The following NKX2-5 variants were observed in gnomAD, a reference collection of about 807,000 sequenced individuals.
The protein encoded by NKX2-5 is NK2 homeobox 5.
In NKX2-5, 3 loss-of-function variants were observed where a neutral mutation model predicts 24.5. The ratio of observed to expected loss-of-function variants is 0.12; its 90% CI spans 0.06 to 0.32. The LOEUF is 0.32. Ranked by LOEUF, NKX2-5 falls within the 10% of genes least tolerant of loss-of-function variation. NKX2-5 has a pLI of 1.00. For synonymous variants in NKX2-5, 215 were observed against 217.6 expected, an observed-to-expected ratio of 0.99 and a Z score of 0.11; for missense variants, 429 against 452.4, an observed-to-expected ratio of 0.95 and a Z score of 0.47.
chr5:173,232,960 C>G lies in NKX2-5; in HGVS notation c.584G>C (p.Arg195Pro). Residue 195 changes from arginine to proline, a missense_variant, in exon 2 of 2, where the codon CGG (arginine) becomes CCG (proline). By Grantham distance (103) the Arg-to-Pro change is moderately radical. This residue lies in a region of NKX2-5 where 183 missense variants were observed against 185.9 expected (regional missense o/e 0.98). Coordinates refer to ENST00000329198, the MANE Select transcript of NKX2-5 (RefSeq NM_004387.4). The surrounding 1 kb of genome is among the most constrained non-coding windows in gnomAD (Gnocchi z 5.9). ...WFQNRRYKCK[R>P]QRQDQTLELV... The stretch of plus-strand genomic sequence containing the variant: ...CTCCAGAGTCTGGTCCTGCCGCTGC[C>G]GCTTGCACTTGTAGCGCCGGTTCTG... 1 of 1,609,734 alleles carries G rather than the reference C, an allele frequency of 6.2e-7. No individual in the cohort carries two copies. The highest frequency in any genetic ancestry group is 8.5e-7 in the Non-Finnish European group (1 of 1,178,470).
chr5:173,233,762 G>C lies in NKX2-5; in HGVS notation c.335-553C>G, dbSNP rs1002469920. On this transcript the variant is annotated intron_variant, in intron 1 of 1. Transcript: ENST00000329198. ...TGTCCAAGAAGCTGCGGGTGGGCAGGCGGCCTCGGAACCTGCCTTGCTGGC... is the reference window on the plus strand; with the variant it reads ...TGTCCAAGAAGCTGCGGGTGGGCAGCCGGCCTCGGAACCTGCCTTGCTGGC... The C allele has an allele frequency of 1.2e-5, 10 of 866,626 alleles. No individual in the cohort carries two copies. The African/African-American group carries it at 1.8e-4, about 16-fold the overall frequency. 53.7% of individuals were successfully genotyped at this position (866,626 alleles called of 1,614,324 possible).
intron 1 of NKX2-5, chr5:173,234,202 G>A (rs1207079916): frequency 7.9e-7 from 1 of 1,262,834 alleles, no homozygotes; most frequent in East Asian, 5.7e-5. Context: ...TAAAATCAAG[G>A]CCCTCGATCC....
chr5:173,234,013 G>A lies in NKX2-5; in HGVS notation c.334+737C>T, dbSNP rs1269893985. 7 of 1,266,522 alleles carry A rather than the reference G, an allele frequency of 5.5e-6. No homozygotes were observed. The South Asian group carries it at 8.9e-5, about 16-fold the overall frequency. The allele number at this position is 1,266,522 out of a possible 1,614,324, so 78.5% of individuals were successfully genotyped here. On this transcript the variant is annotated intron_variant, in intron 1 of 1. Coordinates refer to ENST00000329198, the MANE Select transcript of NKX2-5 (RefSeq NM_004387.4). ...TGCAGCGGGGCCGGCCTCCCTCCCCGATCCTGGGATGGCCTGCGGGATGAT... is the reference window on the plus strand; with the variant it reads ...TGCAGCGGGGCCGGCCTCCCTCCCCAATCCTGGGATGGCCTGCGGGATGAT...
chr5:173,232,309 G>T lies in NKX2-5; in HGVS notation c.*260C>A. On this transcript the variant is annotated 3_prime_UTR_variant, in exon 2 of 2. Transcript: ENST00000329198. This position sits in a 1 kb window ranked among gnomAD's most constrained non-coding sequence, Gnocchi z 5.9. ...CCAGTTCCAACCGGGGGTGCCCATG[G>T]ACTCTCGGAGGGCACTCCTGGGGGG... 1.7e-6 allele frequency: 1 copy of T among 602,836 alleles called. No homozygotes were observed. The allele number at this position is 602,836 out of a possible 1,614,324, so 37.3% of individuals were successfully genotyped here.
Position 173,233,982 on chromosome 5 carries a change from C to A in NKX2-5, c.334+768G>T, listed in dbSNP as rs376790353. The A allele has an allele frequency of 1.5e-4, 181 of 1,241,714 alleles. 1 individual carries two copies. In the East Asian group the frequency reaches 7.7e-3, roughly 53 times the overall value. 76.9% of individuals were successfully genotyped at this position (1,241,714 alleles called of 1,614,324 possible). A position where few individuals can be genotyped will look rare whatever the true frequency, so the allele number is the denominator to read the frequency against. The stretch of plus-strand genomic sequence containing the variant: ...GGGCTGGGGGGTCTCCCAGAAGGCC[C>A]CTTTCTGCAGCGGGGCCGGCCTCCC... On this transcript the variant is annotated intron_variant, in intron 1 of 1. Transcript: ENST00000329198.
Position 173,234,833 on chromosome 5 carries a change from G to A in NKX2-5, c.251C>T (p.Ser84Phe). Residue 84 changes from serine (S) to phenylalanine (F), a missense_variant, in exon 1 of 2, where the codon TCT (serine) becomes TTT (phenylalanine). Transcript: ENST00000329198. ...GRAPSPAKCASAFPAAPAFYP... is the reference protein window; with the variant it reads ...GRAPSPAKCAFAFPAAPAFYP... ...GAAGGCGGGGGCGGCGGGAAAGGCA[G>A]ACGCACACTTGGCCGGTGAAGGCGC... 4 of 1,588,470 alleles carry A rather than the reference G, an allele frequency of 2.5e-6. No individual in the cohort carries two copies. Among genetic ancestry groups the A allele is most frequent in the Non-Finnish European group, 3.4e-6 (4 of 1,169,502 alleles).
chr5:173,235,135 C>T lies in NKX2-5; in HGVS notation c.-52G>A. The T allele has an allele frequency of 1.3e-6, 2 of 1,543,310 alleles. No individual in the cohort carries two copies. Among genetic ancestry groups the T allele is most frequent in the Non-Finnish European group, 1.8e-6 (2 of 1,142,688 alleles). On this transcript the variant is annotated 5_prime_UTR_variant, in exon 1 of 2. Transcript: ENST00000329198. ...AGGTGGGCGGCAGAAAGCGGCGCTGCCCACGGCCCCTGGCAGCTTCCCTGC... is the reference window on the plus strand; with the variant it reads ...AGGTGGGCGGCAGAAAGCGGCGCTGTCCACGGCCCCTGGCAGCTTCCCTGC...
In NKX2-5 at chr5:173,232,706, G is replaced by T; in HGVS notation, c.838C>A (p.Pro280Thr). 1.2e-6 allele frequency: 2 copies of T among 1,609,998 alleles called. No individual in the cohort carries two copies. The highest frequency in any genetic ancestry group is 1.7e-6 in the Non-Finnish European group (2 of 1,177,816). The change falls in exon 2 of 2, where the codon CCA (proline) becomes ACA (threonine). Residue 280 changes from proline (P) to threonine (T), a missense_variant. Coordinates refer to ENST00000329198, the MANE Select transcript of NKX2-5 (RefSeq NM_004387.4). The surrounding 1 kb of genome is among the most constrained non-coding windows in gnomAD (Gnocchi z 5.9). ...CTAAYPAGPS[P>T]AQPATAAANN... is the part of the protein sequence containing the mutation. Reference sequence around the variant, plus strand: ...GCGGCGGCAGTGGCCGGCTGCGCTGGGGAAGGCCCGGCGGGGTAAGCGGCA... The same window carrying T: ...GCGGCGGCAGTGGCCGGCTGCGCTGTGGAAGGCCCGGCGGGGTAAGCGGCA...
In NKX2-5 at chr5:173,233,536, A is replaced by C. The variant is rs1458358834; in HGVS notation, c.335-327T>G. On this transcript the variant is annotated intron_variant, in intron 1 of 1. Transcript: ENST00000329198. ...AAAAAAAAATAAATAAAAAAATAAAAAAATAAAAATAAAACCAGGTGATGC... is the reference window on the plus strand; with the variant it reads ...AAAAAAAAATAAATAAAAAAATAAACAAATAAAAATAAAACCAGGTGATGC... The C allele has an allele frequency of 5.3e-6, 5 of 945,570 alleles. No homozygotes were observed. In the African/African-American group the frequency reaches 6.6e-5, roughly 12 times the overall value. The allele number at this position is 945,570 out of a possible 1,614,324, so 58.6% of individuals were successfully genotyped here.
chr5:173,232,968 C>T lies in NKX2-5; in HGVS notation c.576G>A (p.Lys192=), dbSNP rs1431371715. ...TCTGGTCCTGCCGCTGCCGCTTGCA[C>T]TTGTAGCGCCGGTTCTGGAACCAGA... is the stretch of plus-strand genomic sequence containing the variant. ...VKIWFQNRRY[K]CKRQRQDQTL... is the part of the protein sequence containing the mutation. Residue 192 remains lysine, a synonymous_variant, in exon 2 of 2, where the codon AAG becomes AAA. Coordinates refer to ENST00000329198, the MANE Select transcript of NKX2-5 (RefSeq NM_004387.4). The surrounding 1 kb of genome is among the most constrained non-coding windows in gnomAD (Gnocchi z 5.9). 4 of 1,610,874 alleles carry T rather than the reference C, an allele frequency of 2.5e-6. No homozygotes were observed. Among genetic ancestry groups the T allele is most frequent in the Non-Finnish European group, 3.4e-6 (4 of 1,178,914 alleles).
Position 173,233,087 on chromosome 5 carries a change from G to A in NKX2-5, c.457C>T (p.Leu153=). The change falls in exon 2 of 2, where the codon CTG becomes TTG. Residue 153 remains leucine (L), a synonymous_variant. Transcript: ENST00000329198. ...CGCTGCTGCTTGAAGCGCCGCTCCA[G>A]CTCATAGACCTGCGCCTGCGAGAAG... ...VLFSQAQVYE[L]ERRFKQQRYL... 1 of 1,601,108 alleles carries A rather than the reference G, an allele frequency of 6.2e-7. No homozygotes were observed. Among genetic ancestry groups the A allele is most frequent in the Non-Finnish European group, 8.5e-7 (1 of 1,174,596 alleles).
Position 173,232,818 on chromosome 5 carries a change from G to A in NKX2-5, c.726C>T (p.Gly242=). The A allele has an allele frequency of 6.2e-7, 1 of 1,611,954 alleles. No individual in the cohort carries two copies. The highest frequency in any genetic ancestry group is 8.5e-7 in the Non-Finnish European group (1 of 1,179,532). The change falls in exon 2 of 2, where the codon GGC becomes GGT. Residue 242 remains glycine (G), a synonymous_variant. Transcript: ENST00000329198. The surrounding 1 kb of genome is among the most constrained non-coding windows in gnomAD (Gnocchi z 5.9). Reference sequence around the variant, plus strand: ...TATAACCGTAGGGATTGAGGCCCACGCCGTAGGCAGGCGCGTAGGGCGCCG... The same window carrying A: ...TATAACCGTAGGGATTGAGGCCCACACCGTAGGCAGGCGCGTAGGGCGCCG... ...GDSAPYAPAY[G]VGLNPYGYNA...
In NKX2-5 at chr5:173,232,726, G is replaced by A. The variant is rs757511605; in HGVS notation, c.818C>T (p.Ala273Val). Residue 273 changes from alanine (A) to valine (V), a missense_variant, in exon 2 of 2, where the codon GCT becomes GTT. By Grantham distance (64) the Ala-to-Val change is moderately conservative. Transcript: ENST00000329198. This position sits in a 1 kb window ranked among gnomAD's most constrained non-coding sequence, Gnocchi z 5.9. Reference protein sequence around the residue: ...ACSPGYSCTAAYPAGPSPAQP... With the variant: ...ACSPGYSCTAVYPAGPSPAQP... ...CGCTGGGGAAGGCCCGGCGGGGTAAGCGGCAGTGCAGCTGTAGCCAGGGCT... is the reference window on the plus strand; with the variant it reads ...CGCTGGGGAAGGCCCGGCGGGGTAAACGGCAGTGCAGCTGTAGCCAGGGCT... The A allele has an allele frequency of 1.2e-6, 2 of 1,607,674 alleles. No individual in the cohort carries two copies. Among genetic ancestry groups the A allele is most frequent in the South Asian group, 1.1e-5 (1 of 90,830 alleles).
chr5:173,234,737 G>T lies in NKX2-5; in HGVS notation c.334+13C>A. The stretch of plus-strand genomic sequence containing the variant: ...CCCAGGAGGGGAGAAGGGGGCCTGT[G>T]TTTCCTCCTCACCTTTCTTTTCGGC... On this transcript the variant is annotated intron_variant, in intron 1 of 1. Transcript: ENST00000329198. 6.6e-7 allele frequency: 1 copy of T among 1,506,316 alleles called. No individual in the cohort carries two copies. Among genetic ancestry groups the T allele is most frequent in the Non-Finnish European group, 8.8e-7 (1 of 1,130,012 alleles). 93.3% of individuals were successfully genotyped at this position (1,506,316 alleles called of 1,614,324 possible).
intron 1 of NKX2-5, chr5:173,233,980 C>T: frequency 8.1e-7 from 1 of 1,238,656 alleles, no homozygotes; most frequent in South Asian, 1.4e-5. Context: ...TCCCAGAAGG[C>T]CCCTTTCTGC....
At chr5:173,233,647 C>A (rs1581109914) in intron 1 of NKX2-5, 1 of 654,156 alleles carries the variant, frequency 1.5e-6, no homozygotes, top group Non-Finnish European at 2.4e-6. Context: ...ACGGTCTTAT[C>A]TCAAAATTAA....
intron 1 of NKX2-5, 97 bp downstream of exon 1, chr5:173,234,653 T>C: frequency 8.9e-7 from 1 of 1,123,954 alleles, no homozygotes; most frequent in East Asian, 3.0e-5. Context: ...AGCCCAGCCC[T>C]CGGCCCAAGG....
chr5:173,232,911 C>T lies in NKX2-5; in HGVS notation c.633G>A (p.Pro211=), dbSNP rs1761352493. The T allele has an allele frequency of 6.2e-7, 1 of 1,604,828 alleles. No individual in the cohort carries two copies. The highest frequency in any genetic ancestry group is 8.5e-7 in the Non-Finnish European group (1 of 1,176,618). Residue 211 remains proline (P), a synonymous_variant, in exon 2 of 2, where the codon CCG becomes CCA. Coordinates refer to ENST00000329198, the MANE Select transcript of NKX2-5 (RefSeq NM_004387.4). The surrounding 1 kb of genome is among the most constrained non-coding windows in gnomAD (Gnocchi z 5.9). ...CCGCGATCCTGCGGGCAGGCGGCGGCGGCGGCGGGGGCAGCCCCACCAGCT... is the reference window on the plus strand; with the variant it reads ...CCGCGATCCTGCGGGCAGGCGGCGGTGGCGGCGGGGGCAGCCCCACCAGCT... ...TLELVGLPPP[P]PPPARRIAVP...
At position 173,232,649 on chromosome 5, in the gene NKX2-5, C is replaced by G; in HGVS notation, c.895G>C (p.Asp299His). The stretch of plus-strand genomic sequence containing the variant: ...CCGGGGCTCTGAACCGCATTCAAGT[C>G]CCCGACGCCGAAGTTCACGAAGTTG... The part of the protein sequence containing the change: ...NNNFVNFGVG[D>H]LNAVQSPGIP... The change falls in exon 2 of 2, where the codon GAC becomes CAC. Residue 299 changes from aspartate (D) to histidine (H), a missense_variant. Physicochemically the swap from Asp to His is moderately conservative, Grantham distance 81 (BLOSUM62 -1). Around this residue, in one of 3 missense-constraint regions of NKX2-5, gnomAD observed 183 missense variants for 185.9 expected, o/e 0.98. Transcript: ENST00000329198. This position sits in a 1 kb window ranked among gnomAD's most constrained non-coding sequence, Gnocchi z 5.9. The G allele has an allele frequency of 1.2e-6, 2 of 1,613,064 alleles. No individual in the cohort carries two copies. The highest frequency in any genetic ancestry group is 1.7e-6 in the Non-Finnish European group (2 of 1,179,472).
Sources: gnomAD v4.1 joint callset for allele counts on GRCh38, gnomAD v4.1.1 for gene constraint, gnomAD v4.1.1 regional missense constraint, Gnocchi (gnomAD v3.1) non-coding constraint, MANE v1.5 for transcripts, NCBI Gene and HGNC (gene_info 2026-07-23, HGNC 2026-07-21) for gene names.